Variants in FYN observed in about 807,000 individuals in gnomAD.
FYN encodes the protein tyrosine-protein kinase Fyn.
Under a neutral mutation model 70.2 loss-of-function variants are expected in FYN, and 10 were observed. That is an observed-to-expected ratio of 0.14 (90% CI 0.09 to 0.24). FYN has a LOEUF of 0.24. Ranked by LOEUF, FYN falls within the 10% of genes least tolerant of loss-of-function variation. The pLI, the probability that FYN is intolerant of heterozygous loss-of-function variation, is 1.00. For missense variants in FYN, 319 were observed against 673.1 expected (o/e 0.47, Z 5.82); for synonymous variants, 236 against 248.6 (o/e 0.95, Z 0.48).
chr6:111,843,897 G>A (rs113659280), intron 2 of FYN, among the ~76,000 whole-genome samples: 2,211 of 152,258 alleles, frequency 0.015, 23 homozygotes, highest in Admixed American at 0.027. Flanking sequence ...CTTTAGGGGA[G>A]TGTCAAGGAA....
chr6:111,845,074 CA>C (rs1457930889), intron 2 of FYN: 1 of 152,398 alleles, frequency 6.6e-6, no homozygotes, highest in Non-Finnish European at 1.5e-5. Flanking sequence ...GTTTGCCCGG[CA>C]TGGGGCCAGG....
intron 3 of FYN, among the ~76,000 whole-genome samples, chr6:111,721,292 G>A (rs1389401307): frequency 6.6e-6 from 1 of 152,162 alleles, no homozygotes; most frequent in Non-Finnish European, 1.5e-5. Context: ...CCAATGGACT[G>A]CAAGTTCCAG....
chr6:111,869,671 GGCGTGA>G (rs1348324366), intron 1 of FYN, among the ~76,000 whole-genome samples: 3 of 152,230 alleles, frequency 2.0e-5, no homozygotes, highest in Non-Finnish European at 1.5e-5. Context: ...TGGGATTACA[GGCGTGA>G]GCTGCAACAT....
chr6:111,728,107 A>G (rs1433730704), intron 3 of FYN, among the ~76,000 whole-genome samples: 2 of 152,212 alleles, frequency 1.3e-5, no homozygotes, highest in East Asian at 3.8e-4. Flanking sequence ...AAAGGCTCCA[A>G]GAAAAGAGTA....
chr6:111,723,247 T>C (rs544716614), intron 3 of FYN, among the ~76,000 whole-genome samples: 3 of 152,252 alleles, frequency 2.0e-5, no homozygotes, highest in South Asian at 4.1e-4. Flanking sequence ...TATGAAGTAA[T>C]AGAGAAGAAA....
Position 111,660,924 on chromosome 6 carries a change from G to A in FYN, c.*815C>T, listed in dbSNP as rs1301337020. On this transcript the variant is annotated 3_prime_UTR_variant, in exon 14 of 14. Coordinates refer to ENST00000354650, the MANE Select transcript of FYN (RefSeq NM_002037.5). ...TATTTTTAAGTTTTGAGAACAAATC[G>A]CAGTAAGTTGAAGCAAATAGTGCTA... is the stretch of plus-strand genomic sequence containing the variant. 2.0e-5 allele frequency: 3 copies of A among 152,104 alleles called. No homozygotes were observed. Among genetic ancestry groups the A allele is most frequent in the Non-Finnish European group, 2.9e-5 (2 of 68,020 alleles). 9.4% of individuals were successfully genotyped at this position (152,104 alleles called of 1,614,324 possible).
At chr6:111,713,828 C>G (rs779506406) in intron 5 of FYN, among the ~76,000 whole-genome samples, 2 of 152,190 alleles carry the variant, frequency 1.3e-5, no homozygotes, top group Non-Finnish European at 2.9e-5. Context: ...CCAAAAGATT[C>G]CAGTCACTCC....
intron 2 of FYN, among the ~76,000 whole-genome samples, chr6:111,818,103 A>G (rs1357570619): frequency 6.6e-6 from 1 of 152,246 alleles, no homozygotes; most frequent in Non-Finnish European, 1.5e-5. Context: ...GCTGACAGTT[A>G]TCTCATGCCA....
At chr6:111,860,224 AACTT>A (rs1264114885) in intron 1 of FYN, among the ~76,000 whole-genome samples, 1 of 152,184 alleles carries the variant, frequency 6.6e-6, no homozygotes, top group African/African-American at 2.4e-5. Flanking sequence ...TAAAAGGTCT[AACTT>A]AATTAAGATC....
intron 3 of FYN, among the ~76,000 whole-genome samples, chr6:111,780,209 C>T (rs747583733): frequency 6.6e-6 from 1 of 152,160 alleles, no homozygotes; most frequent in Non-Finnish European, 1.5e-5. Context: ...ACACGGATCT[C>T]TCTGCTTTGG....
chr6:111,672,272 G>T (rs192296524), intron 13 of FYN, among the ~76,000 whole-genome samples: 129 of 152,306 alleles, frequency 8.5e-4, no homozygotes, highest in African/African-American at 3.0e-3. Flanking sequence ...TCCAAGGTCT[G>T]GCTTACTTGC....
intron 13 of FYN, among the ~76,000 whole-genome samples, chr6:111,669,268 C>G (rs185942725): frequency 3.3e-5 from 5 of 151,990 alleles, no homozygotes; most frequent in Non-Finnish European, 7.4e-5. Context: ...AACCCTGGCT[C>G]TACTAAAAAT....
At chr6:111,800,520 G>A (rs1771951662) in intron 2 of FYN, among the ~76,000 whole-genome samples, 2 of 152,198 alleles carry the variant, frequency 1.3e-5, no homozygotes, top group African/African-American at 4.8e-5. Flanking sequence ...TGAGCTTGAT[G>A]CAGAAGGAAT....
At chr6:111,786,083 A>T (rs1771366783) in intron 2 of FYN, among the ~76,000 whole-genome samples, 2 of 151,346 alleles carry the variant, frequency 1.3e-5, no homozygotes, top group South Asian at 4.2e-4. Context: ...ATTATACTTT[A>T]AGTTCTAGGG....
intron 3 of FYN, among the ~76,000 whole-genome samples, chr6:111,739,921 T>A (rs1007435430): frequency 6.6e-6 from 1 of 152,150 alleles, no homozygotes; most frequent in Non-Finnish European, 1.5e-5. Context: ...TCTCCTGGGT[T>A]CAAATAATTC....
At chr6:111,860,987 A>G (rs1773946859) in intron 1 of FYN, among the ~76,000 whole-genome samples, 2 of 152,326 alleles carry the variant, frequency 1.3e-5, no homozygotes, top group South Asian at 4.1e-4. Context: ...ATTTTCACCC[A>G]AGGAGGCAGA....
At chr6:111,681,264 G>A (rs1482011981) in intron 12 of FYN, among the ~76,000 whole-genome samples, 1 of 152,100 alleles carries the variant, frequency 6.6e-6, no homozygotes, top group Admixed American at 6.6e-5. Flanking sequence ...CTGACCTCAG[G>A]TGATCCACCC....
chr6:111,846,237 T>C lies in FYN; in HGVS notation c.-82+352A>G, dbSNP rs373633077. Among the ~76,000 whole-genome samples the C allele has an allele frequency of 7.2e-5, 11 of 152,186 alleles. No individual in the cohort carries two copies. The East Asian group carries it at 1.2e-3, about 16-fold the overall frequency. On this transcript the variant is annotated intron_variant, in intron 2 of 13. Transcript: ENST00000354650. ...ACGACCTCCTTGACCAGCCTGAGGA[T>C]AGGCGCTCCCCATTCCTCCCCAGCC... is the stretch of plus-strand genomic sequence containing the variant.
chr6:111,787,275 T>C (rs1025932846), intron 2 of FYN, among the ~76,000 whole-genome samples: 4 of 152,222 alleles, frequency 2.6e-5, no homozygotes, highest in Non-Finnish European at 5.9e-5. Flanking sequence ...GTTTCAGCTT[T>C]CTACGTATGG....
Sources: allele counts gnomAD v4.1 joint callset (sites outside exome capture counted in the v4.1 genomes callset), GRCh38; gene constraint gnomAD v4.1.1; transcripts MANE v1.5; gene names NCBI Gene and HGNC (gene_info 2026-07-23, HGNC 2026-07-21).